The following FRG1 variants were observed in gnomAD, a reference collection of about 807,000 sequenced individuals.
The protein encoded by FRG1 is protein FRG1.
Under a neutral mutation model 37.0 loss-of-function variants are expected in FRG1, and 19 were observed. The observed-to-expected ratio is 0.51, with a 90% CI of 0.36 to 0.75. The LOEUF is 0.75. Among genes scored for constraint, FRG1 ranks in the 30% least tolerant of loss-of-function variants. The pLI is 0.00. For synonymous variants in FRG1, 73 were observed against 96.5 expected (o/e 0.76, Z 1.43); for missense variants, 243 against 301.4 (o/e 0.81, Z 1.44).
chr4:189,952,727 T>C (rs894155782), intron 3 of FRG1, among the ~76,000 whole-genome samples: 4 of 152,156 alleles, frequency 2.6e-5, no homozygotes, highest in African/African-American at 9.7e-5. Flanking sequence ...GCAGTATCAT[T>C]TGGTCAGCAA....
At chr4:189,948,251 A>G (rs1442364756) in intron 2 of FRG1, among the ~76,000 whole-genome samples, 2 of 152,234 alleles carry the variant, frequency 1.3e-5, no homozygotes, top group African/African-American at 4.8e-5. Flanking sequence ...AGGGATTGGT[A>G]AATAGGATGA....
intron 3 of FRG1, among the ~76,000 whole-genome samples, chr4:189,952,594 C>A (rs1297106031): frequency 6.6e-6 from 1 of 152,062 alleles, no homozygotes; most frequent in Non-Finnish European, 1.5e-5. Flanking sequence ...GTTTGAATTT[C>A]TTTTTTATTC....
At chr4:189,952,797 G>A (rs13141640) in intron 3 of FRG1, among the ~76,000 whole-genome samples, 38,630 of 149,418 alleles carry the variant, frequency 0.26, 2,434 homozygotes, top group Middle Eastern at 0.39. Context: ...ATTTATGACT[G>A]TATTTTAAAA....
rs751957929 is a variant in FRG1, at chr4:189,961,809, A to G, written c.630-13A>G. 1.7e-6 allele frequency: 2 copies of G among 1,146,904 alleles called. No individual in the cohort carries two copies. The highest frequency in any genetic ancestry group is 1.4e-5 in the South Asian group (1 of 73,100). The allele number at this position is 1,146,904 out of a possible 1,614,324, so 71.0% of individuals were successfully genotyped here. On this transcript the variant is annotated splice_polypyrimidine_tract_variant and intron_variant, in intron 7 of 8. Transcript: ENST00000226798. ...GTTTGAGGTATTTTTCAATGAAGAC[A>G]TTTTCTTTACAGAAAGAAATTTCAG...
chr4:189,957,571 T>G lies in FRG1; in HGVS notation c.537+69T>G. ...ATGTGACTGTATCTCTTTAAAATGT[T>G]AAATGGTCATTTACTGTCACTTTAA... On this transcript the variant is annotated intron_variant, in intron 6 of 8. Transcript: ENST00000226798. 6 of 1,331,720 alleles carry G rather than the reference T, an allele frequency of 4.5e-6. No individual in the cohort carries two copies. In the South Asian group the frequency reaches 7.5e-5, roughly 17 times the overall value. 82.5% of individuals were successfully genotyped at this position (1,331,720 alleles called of 1,614,324 possible).
intron 2 of FRG1, among the ~76,000 whole-genome samples, chr4:189,946,595 C>G (rs942782695): frequency 3.9e-5 from 6 of 152,008 alleles, no homozygotes; most frequent in Non-Finnish European, 7.4e-5. Flanking sequence ...CAGTTATAGT[C>G]AACACATTTT....
At chr4:189,943,168 A>G in intron 1 of FRG1, 34 bp from the exon 2 acceptor site, 2 of 1,531,770 alleles carry the variant, frequency 1.3e-6, no homozygotes, top group Non-Finnish European at 1.8e-6. Flanking sequence ...AAATCAATAT[A>G]CCTAAACTCG....
intron 2 of FRG1, among the ~76,000 whole-genome samples, chr4:189,951,514 A>G (rs1431120860): frequency 1.3e-5 from 2 of 151,484 alleles, no homozygotes; most frequent in Non-Finnish European, 2.9e-5. Context: ...AAAGATTGCT[A>G]TGCTAGAAAG....
chr4:189,948,562 A>AG (rs923595087), intron 2 of FRG1, among the ~76,000 whole-genome samples: 7 of 152,174 alleles, frequency 4.6e-5, no homozygotes, highest in African/African-American at 1.7e-4. Context: ...TAGAGATTTA[A>AG]GGGGGCCCTT....
At chr4:189,949,832 G>C (rs1472754865) in intron 2 of FRG1, among the ~76,000 whole-genome samples, 1 of 151,998 alleles carries the variant, frequency 6.6e-6, no homozygotes, top group African/African-American at 2.4e-5. Flanking sequence ...TTTTAATTTT[G>C]ATTAATTTTC....
intron 7 of FRG1, 104 bp from the exon 8 acceptor site, chr4:189,961,718 C>G (rs1189277396): frequency 1.7e-6 from 1 of 577,094 alleles, no homozygotes; most frequent in Non-Finnish European, 3.0e-6. Flanking sequence ...TACAATTAGA[C>G]TTTTTTACAA....
At chr4:189,960,652 A>T (rs1039454783) in intron 6 of FRG1, 96 bp from the exon 7 acceptor site, 2 of 1,201,932 alleles carry the variant, frequency 1.7e-6, no homozygotes, top group African/African-American at 3.1e-5. Flanking sequence ...TTTCTTCTGC[A>T]TAAGAAATCA....
intron 2 of FRG1, among the ~76,000 whole-genome samples, chr4:189,947,425 C>G (rs79363947): frequency 6.6e-6 from 1 of 152,184 alleles, no homozygotes; most frequent in Non-Finnish European, 1.5e-5. Context: ...GATGCCTAGT[C>G]AAATTATTTG....
chr4:189,954,661 C>T (rs1035786150), intron 4 of FRG1, among the ~76,000 whole-genome samples: 25 of 150,330 alleles, frequency 1.7e-4, no homozygotes, highest in African/African-American at 5.4e-4. Context: ...GTGGTGTGAC[C>T]GTATCTCACT....
At position 189,962,003 on chromosome 4, in the gene FRG1, C is replaced by T. The variant is rs566008996; in HGVS notation, c.740+71C>T. ...AAATGGCATGTAGAAAACCTACATTCTCTTAAATTACTGTAGTTTTTCACA... is the reference window on the plus strand; with the variant it reads ...AAATGGCATGTAGAAAACCTACATTTTCTTAAATTACTGTAGTTTTTCACA... On this transcript the variant is annotated intron_variant, in intron 8 of 8. Coordinates refer to ENST00000226798, the MANE Select transcript of FRG1 (RefSeq NM_004477.3). 90 of 787,858 alleles carry T rather than the reference C, an allele frequency of 1.1e-4. No homozygotes were observed. The African/African-American group carries it at 1.5e-3, about 13-fold the overall frequency. The allele number at this position is 787,858 out of a possible 1,614,324, so 48.8% of individuals were successfully genotyped here.
chr4:189,941,090 G>A lies in FRG1; in HGVS notation c.62+19G>A. The stretch of plus-strand genomic sequence containing the variant: ...CGAAGAGGTGGGTCCTGCAGCTTGG[G>A]CGGGAGCCTCCTCCGTTCTTTTCGG... On this transcript the variant is annotated intron_variant, in intron 1 of 8. Transcript: ENST00000226798. The A allele has an allele frequency of 1.2e-6, 2 of 1,611,614 alleles. No individual in the cohort carries two copies. The highest frequency in any genetic ancestry group is 1.7e-6 in the Non-Finnish European group (2 of 1,177,872).
At chr4:189,946,890 CCCAA>C (rs1345186385) in intron 2 of FRG1, among the ~76,000 whole-genome samples, 8 of 151,962 alleles carry the variant, frequency 5.3e-5, no homozygotes, top group African/African-American at 1.9e-4. Context: ...CTCGCTGTTG[CCCAA>C]CAGGCTGGAG....
chr4:189,951,116 C>G (rs1290237916), intron 2 of FRG1, among the ~76,000 whole-genome samples: 1 of 152,088 alleles, frequency 6.6e-6, no homozygotes, highest in African/African-American at 2.4e-5. Context: ...TTCCTAGAGT[C>G]TAATATTTCT....
intron 2 of FRG1, among the ~76,000 whole-genome samples, chr4:189,944,240 G>A (rs9996679): frequency 0.29 from 44,022 of 151,850 alleles, 6,500 homozygotes; most frequent in Middle Eastern, 0.43. Context: ...GCAGTGATGC[G>A]ATCTCGGTTC....
Sources: allele counts gnomAD v4.1 joint callset (sites outside exome capture counted in the v4.1 genomes callset), GRCh38; gene constraint gnomAD v4.1.1; transcripts MANE v1.5; gene names NCBI Gene and HGNC (gene_info 2026-07-23, HGNC 2026-07-21).